The following HS3ST1 variants were observed in gnomAD, a reference collection of about 807,000 sequenced individuals.
HS3ST1 encodes the protein heparan sulfate-glucosamine 3-sulfotransferase 1.
In HS3ST1, 8 loss-of-function variants were observed where a neutral mutation model predicts 20.7. The observed-to-expected ratio is 0.39, with a 90% CI of 0.23 to 0.70. The LOEUF (loss-of-function observed/expected upper bound fraction) is 0.70. HS3ST1 is among the 30% of genes least tolerant of loss of function. The probability of loss-of-function intolerance (pLI) is 0.46; values close to 1 mark genes in which losing one functional copy is unlikely to be tolerated. For missense variants in HS3ST1, 436 were observed against 423.4 expected (o/e 1.03, Z -0.26); for synonymous variants, 205 against 190.4 (o/e 1.08, Z -0.63).
At chr4:11,418,550 T>C (rs952807583) in intron 1 of HS3ST1, among the ~76,000 whole-genome samples, 1 of 152,192 alleles carries the variant, frequency 6.6e-6, no homozygotes, top group Admixed American at 6.5e-5. Flanking sequence ...AGAGCCACCA[T>C]GAATTTCAAA....
chr4:11,430,855 T>C (rs914124474), upstream of HS3ST1, among the ~76,000 whole-genome samples: 1 of 152,246 alleles, frequency 6.6e-6, no homozygotes, highest in Non-Finnish European at 1.5e-5. Context: ...CCTCATTTCT[T>C]TTTAAATCTG....
rs1401958502 is a variant in HS3ST1 at position 11,394,662 on chromosome 4, A to G, written c.*4420T>C. On this transcript the variant is annotated 3_prime_UTR_variant, in exon 2 of 2. Transcript: ENST00000002596. Reference sequence around the variant, plus strand: ...TAATTTCCCTTACAGGCTCTGCCTAATAGACAGATGCATATGCTTTATATC... The same window carrying G: ...TAATTTCCCTTACAGGCTCTGCCTAGTAGACAGATGCATATGCTTTATATC... The G allele has an allele frequency of 2.6e-5, 4 of 152,232 alleles. No homozygotes were observed. Among genetic ancestry groups the G allele is most frequent in the Admixed American group, 1.3e-4 (2 of 15,284 alleles). 9.4% of individuals were successfully genotyped at this position (152,232 alleles called of 1,614,324 possible). A position where few individuals can be genotyped will look rare whatever the true frequency, so the allele number is the denominator to read the frequency against.
chr4:11,415,559 G>T (rs1388912327), intron 1 of HS3ST1, among the ~76,000 whole-genome samples: 5 of 152,174 alleles, frequency 3.3e-5, no homozygotes, highest in Non-Finnish European at 5.9e-5. Context: ...TGCTTAAATA[G>T]TTGTCATAAG....
upstream of HS3ST1, among the ~76,000 whole-genome samples, chr4:11,434,063 C>A (rs921915905): frequency 4.6e-5 from 7 of 152,190 alleles, no homozygotes; most frequent in Non-Finnish European, 8.8e-5. Flanking sequence ...ATGGTGCTGG[C>A]TTTTCCTTTC....
Position 11,399,551 on chromosome 4 carries a change from C to A in HS3ST1, c.455G>T (p.Arg152Leu). The change falls in exon 2 of 2, where the codon CGC (arginine) becomes CTC (leucine). Residue 152 changes from arginine to leucine, a missense_variant. Coordinates refer to ENST00000002596, the MANE Select transcript of HS3ST1 (RefSeq NM_005114.4). This position sits in a 1 kb window ranked among gnomAD's most constrained non-coding sequence, Gnocchi z 5.1. The part of the protein sequence containing the change: ...LLLILRDPSE[R>L]VLSDYTQVFY... ...CACTTGGGTGTAGTCAGATAGCACGCGCTCCGACGGGTCTCGCAGGATGAG... is the reference window on the plus strand; with the variant it reads ...CACTTGGGTGTAGTCAGATAGCACGAGCTCCGACGGGTCTCGCAGGATGAG... 1 of 1,613,838 alleles carries A rather than the reference C, an allele frequency of 6.2e-7. No individual in the cohort carries two copies. Among genetic ancestry groups the A allele is most frequent in the Non-Finnish European group, 8.5e-7 (1 of 1,180,028 alleles).
chr4:11,423,389 T>C (rs1044040679), intron 1 of HS3ST1, among the ~76,000 whole-genome samples: 2 of 152,250 alleles, frequency 1.3e-5, no homozygotes, highest in Non-Finnish European at 2.9e-5. Context: ...ATAATGAAAT[T>C]TAACTTTGGG....
rs116045382 is a variant in HS3ST1 at position 11,398,948 on chromosome 4, C to T, written c.*134G>A. 779 of 756,784 alleles carry T rather than the reference C, an allele frequency of 1.0e-3. 1 individual carries two copies. In the African/African-American group the frequency reaches 0.011, roughly 11 times the overall value. 46.9% of individuals were successfully genotyped at this position (756,784 alleles called of 1,614,324 possible). ...ACTAGTATATATGGCAATTGTGAAT[C>T]TAATACTGTACAGAAGTACTTTATG... On this transcript the variant is annotated 3_prime_UTR_variant, in exon 2 of 2. Coordinates refer to ENST00000002596, the MANE Select transcript of HS3ST1 (RefSeq NM_005114.4).
rs142912631 is a variant in HS3ST1 at position 11,399,468 on chromosome 4, G to A, written c.538C>T (p.Arg180Cys). The A allele has an allele frequency of 6.2e-6, 10 of 1,613,856 alleles. No individual in the cohort carries two copies. In the African/African-American group the frequency reaches 6.7e-5, roughly 11 times the overall value. ...PYPSIEEFLV[R>C]DGRLNVDYKA... ...TAGTCCACATTGAGCCTGCCATCGC[G>A]CACCAGGAACTCCTCGATGGACGGG... is the stretch of plus-strand genomic sequence containing the variant. Residue 180 changes from arginine (R) to cysteine (C), a missense_variant, in exon 2 of 2, where the codon CGC (arginine) becomes TGC (cysteine). Coordinates refer to ENST00000002596, the MANE Select transcript of HS3ST1 (RefSeq NM_005114.4). The surrounding 1 kb of genome is among the most constrained non-coding windows in gnomAD (Gnocchi z 5.1).
intron 1 of HS3ST1, among the ~76,000 whole-genome samples, chr4:11,423,319 C>G (rs924719591): frequency 1.3e-5 from 2 of 152,024 alleles, no homozygotes; most frequent in African/African-American, 4.8e-5. Flanking sequence ...CCAAAACTAC[C>G]CAATGGATGA....
upstream of HS3ST1, among the ~76,000 whole-genome samples, chr4:11,432,447 C>T (rs559823019): frequency 8.5e-5 from 13 of 152,216 alleles, no homozygotes; most frequent in Admixed American, 7.8e-4. Flanking sequence ...ACTAATGGCT[C>T]TTACTGCTGA....
chr4:11,401,896 G>C (rs1409906792), intron 1 of HS3ST1, among the ~76,000 whole-genome samples: 1 of 152,214 alleles, frequency 6.6e-6, no homozygotes, highest in Non-Finnish European at 1.5e-5. Context: ...TGTTTTCAAG[G>C]AGCTGATACT....
At chr4:11,415,532 TAAC>T (rs1470104436) in intron 1 of HS3ST1, among the ~76,000 whole-genome samples, 4 of 152,228 alleles carry the variant, frequency 2.6e-5, no homozygotes, top group Non-Finnish European at 5.9e-5. Flanking sequence ...AACTTAGGTT[TAAC>T]AACTATTTTT....
At chr4:11,427,655 A>G (rs1313005868) in intron 1 of HS3ST1, among the ~76,000 whole-genome samples, 1 of 152,140 alleles carries the variant, frequency 6.6e-6, no homozygotes, top group Admixed American at 6.5e-5. Flanking sequence ...GGAGGATGCA[A>G]CCCTTGGCCC....
At chr4:11,410,753 G>A (rs187874894) in intron 1 of HS3ST1, among the ~76,000 whole-genome samples, 207 of 152,224 alleles carry the variant, frequency 1.4e-3, no homozygotes, top group Non-Finnish European at 2.6e-3. Flanking sequence ...TTAGCCAGGC[G>A]TGGTGGCACA....
intron 1 of HS3ST1, among the ~76,000 whole-genome samples, chr4:11,406,632 G>A (rs908785739): frequency 2.0e-5 from 3 of 152,134 alleles, no homozygotes; most frequent in African/African-American, 7.2e-5. Context: ...CAAAGCCCAC[G>A]GTGTGCTTTT....
At chr4:11,413,717 T>G (rs1210765403) in intron 1 of HS3ST1, among the ~76,000 whole-genome samples, 1 of 151,814 alleles carries the variant, frequency 6.6e-6, no homozygotes, top group Non-Finnish European at 1.5e-5. Flanking sequence ...CACCTTAGGG[T>G]TAGGGCTGTG....
At chr4:11,410,061 A>G (rs1718577245) in intron 1 of HS3ST1, among the ~76,000 whole-genome samples, 1 of 152,248 alleles carries the variant, frequency 6.6e-6, no homozygotes, top group Non-Finnish European at 1.5e-5. Context: ...AATAAAAATA[A>G]AAAAGACTGA....
At chr4:11,426,840 A>G (rs959220397) in intron 1 of HS3ST1, among the ~76,000 whole-genome samples, 5 of 152,242 alleles carry the variant, frequency 3.3e-5, no homozygotes, top group South Asian at 2.1e-4. Context: ...ATGTAACACA[A>G]TGGTCCATTT....
intron 1 of HS3ST1, among the ~76,000 whole-genome samples, chr4:11,410,173 A>T (rs1718580131): frequency 6.6e-6 from 1 of 152,220 alleles, no homozygotes; most frequent in Non-Finnish European, 1.5e-5. Flanking sequence ...AATTGTACTG[A>T]GTCCCTGGGG....
Sources: allele counts gnomAD v4.1 joint callset (sites outside exome capture counted in the v4.1 genomes callset), GRCh38; gene constraint gnomAD v4.1.1; non-coding constraint Gnocchi (gnomAD v3.1); transcripts MANE v1.5; gene names NCBI Gene and HGNC (gene_info 2026-07-23, HGNC 2026-07-21).